NDFIP2: variants seen among roughly 807,000 people sequenced by gnomAD.
NDFIP2 encodes the protein Nedd4 family interacting protein 2.
NDFIP2 carries 19 observed loss-of-function variants against 36.0 expected under a neutral mutation model. That is an observed-to-expected ratio of 0.53 (90% CI 0.37 to 0.77). The LOEUF (loss-of-function observed/expected upper bound fraction) is 0.77, where lower values mean the gene tolerates loss of function less well. Ranked by LOEUF, NDFIP2 falls within the 30% of genes least tolerant of loss-of-function variation. The pLI is 0.00. For missense variants in NDFIP2, 446 were observed against 435.8 expected, an observed-to-expected ratio of 1.02 and a Z score of -0.21; for synonymous variants, 181 against 167.7, an observed-to-expected ratio of 1.08 and a Z score of -0.61.
intron 1 of NDFIP2, 105 bp downstream of exon 1, chr13:79,481,629 T>G (rs551459709): frequency 8.1e-5 from 109 of 1,349,522 alleles, no homozygotes; most frequent in Non-Finnish European, 9.9e-5. Flanking sequence ...GGCTTTTTTT[T>G]GTTGTGTTTT....
chr13:79,532,378 C>T (rs1292783707), intron 2 of NDFIP2, among the ~76,000 whole-genome samples: 1 of 152,192 alleles, frequency 6.6e-6, no homozygotes, highest in Non-Finnish European at 1.5e-5. Context: ...AAAGTGATGT[C>T]AAACAGTGTG....
intron 2 of NDFIP2, among the ~76,000 whole-genome samples, chr13:79,526,864 A>ATT (rs1874816746): frequency 6.6e-6 from 1 of 152,226 alleles, no homozygotes; most frequent in Non-Finnish European, 1.5e-5. Context: ...TGAGTAAATC[A>ATT]CATCTGTAAA....
At chr13:79,524,594 A>G (rs1010210979) in intron 2 of NDFIP2, among the ~76,000 whole-genome samples, 2 of 152,198 alleles carry the variant, frequency 1.3e-5, no homozygotes, top group Non-Finnish European at 1.5e-5. Flanking sequence ...TTTCATAGCA[A>G]ACAGATTCAG....
chr13:79,535,683 C>T (rs1163804166), intron 3 of NDFIP2, among the ~76,000 whole-genome samples: 1 of 152,148 alleles, frequency 6.6e-6, no homozygotes, highest in Non-Finnish European at 1.5e-5. Flanking sequence ...CCTCTTTGTG[C>T]AGAGTATGAA....
At chr13:79,539,165 T>A (rs2137108553) in intron 3 of NDFIP2, among the ~76,000 whole-genome samples, 1 of 152,350 alleles carries the variant, frequency 6.6e-6, no homozygotes, top group African/African-American at 2.4e-5. Flanking sequence ...CTTATTAACA[T>A]TGCTGGAATG....
Position 79,543,497 on chromosome 13 carries a change from T to C in NDFIP2, c.716-61T>C. 4 of 1,580,280 alleles carry C rather than the reference T, an allele frequency of 2.5e-6. No individual in the cohort carries two copies. In the South Asian group the frequency reaches 3.4e-5, roughly 13 times the overall value. On this transcript the variant is annotated intron_variant, in intron 4 of 7. Transcript: ENST00000218652. ...ATTGAGCCATGAAATATTATTAATATGTCTATGTTAATTTGTTTCCAAATT... is the reference window on the plus strand; with the variant it reads ...ATTGAGCCATGAAATATTATTAATACGTCTATGTTAATTTGTTTCCAAATT...
At chr13:79,502,303 A>C (rs555453852) in intron 1 of NDFIP2, among the ~76,000 whole-genome samples, 12 of 152,252 alleles carry the variant, frequency 7.9e-5, no homozygotes, top group Admixed American at 2.6e-4. Context: ...AAGACAGTAC[A>C]TCATGCTAAT....
chr13:79,510,200 C>CT (rs751887820), intron 1 of NDFIP2, among the ~76,000 whole-genome samples: 68 of 151,092 alleles, frequency 4.5e-4, no homozygotes, highest in East Asian at 1.9e-3. Flanking sequence ...TAAGAGTGTA[C>CT]TTTTTTTTTG....
At chr13:79,511,108 T>C (rs1365165341) in intron 1 of NDFIP2, among the ~76,000 whole-genome samples, 2 of 151,810 alleles carry the variant, frequency 1.3e-5, no homozygotes, top group Non-Finnish European at 2.9e-5. Context: ...GGTGTCAGAC[T>C]CTCAGTTAAA....
intron 7 of NDFIP2, 44 bp downstream of exon 7, chr13:79,551,166 A>G (rs753380904): frequency 1.6e-6 from 2 of 1,264,226 alleles, no homozygotes; most frequent in African/African-American, 3.0e-5. Context: ...CCCTTTATGT[A>G]TTCAAATTTG....
At chr13:79,552,178 TTTTTA>T (rs1875934240) in intron 7 of NDFIP2, among the ~76,000 whole-genome samples, 1 of 151,414 alleles carries the variant, frequency 6.6e-6, no homozygotes, top group Admixed American at 6.6e-5. Context: ...AGAAGTCGCT[TTTTTA>T]TTTTAACAAG....
intron 1 of NDFIP2, among the ~76,000 whole-genome samples, chr13:79,483,704 G>T (rs7984159): frequency 0.11 from 16,730 of 152,176 alleles, 2,332 homozygotes; most frequent in African/African-American, 0.33. Context: ...GTCATCAGAA[G>T]GACTTACTAC....
intron 5 of NDFIP2, among the ~76,000 whole-genome samples, chr13:79,547,568 TAATG>T (rs916881520): frequency 2.0e-5 from 3 of 152,162 alleles, no homozygotes; most frequent in African/African-American, 7.2e-5. Flanking sequence ...CTTTTAAAAT[TAATG>T]AAGTGTGATG....
intron 6 of NDFIP2, among the ~76,000 whole-genome samples, chr13:79,550,219 G>A (rs911206742): frequency 6.6e-6 from 1 of 151,584 alleles, no homozygotes; most frequent in Non-Finnish European, 1.5e-5. Flanking sequence ...TAATGGTAAT[G>A]TTTTATACTT....
chr13:79,500,349 G>A (rs530495493), intron 1 of NDFIP2, among the ~76,000 whole-genome samples: 3 of 151,856 alleles, frequency 2.0e-5, no homozygotes, highest in Non-Finnish European at 4.4e-5. Context: ...GAGGTGATAA[G>A]CTAGATTTCA....
chr13:79,514,336 C>G (rs528422381), intron 1 of NDFIP2, among the ~76,000 whole-genome samples: 1 of 152,088 alleles, frequency 6.6e-6, no homozygotes, highest in Non-Finnish European at 1.5e-5. Flanking sequence ...TAAATTTTAA[C>G]GGAAGCTGAA....
At chr13:79,496,840 A>T (rs992299496) in intron 1 of NDFIP2, among the ~76,000 whole-genome samples, 1 of 151,448 alleles carries the variant, frequency 6.6e-6, no homozygotes, top group Non-Finnish European at 1.5e-5. Context: ...TTTCATATTT[A>T]TTATTTTTCC....
chr13:79,488,316 A>C (rs1873097868), intron 1 of NDFIP2, among the ~76,000 whole-genome samples: 1 of 152,118 alleles, frequency 6.6e-6, no homozygotes. Context: ...CCCAGATTAA[A>C]ATTTCTCTTG....
intron 1 of NDFIP2, among the ~76,000 whole-genome samples, chr13:79,492,352 A>C (rs552447389): frequency 1.3e-5 from 2 of 150,452 alleles, no homozygotes; most frequent in African/African-American, 4.9e-5. Flanking sequence ...TCTATATCAG[A>C]TGACTTTTTG....
Sources: gnomAD v4.1 joint callset for allele counts (sites outside exome capture counted in the v4.1 genomes callset) on GRCh38, gnomAD v4.1.1 for gene constraint, MANE v1.5 for transcripts, NCBI Gene and HGNC (gene_info 2026-07-23, HGNC 2026-07-21) for gene names.